Variants in PKHD1 observed in about 807,000 individuals in gnomAD.
The protein encoded by PKHD1 is PKHD1 ciliary IPT domain containing fibrocystin/polyductin.
A neutral mutation model predicts 412.0 loss-of-function variants in PKHD1; 291 were observed. That is an observed-to-expected ratio of 0.71 (90% CI 0.64 to 0.78). The LOEUF (loss-of-function observed/expected upper bound fraction) is 0.78, where lower values mean the gene tolerates loss of function less well. PKHD1 is among the 30% of genes least tolerant of loss of function. The pLI, the probability that PKHD1 is intolerant of heterozygous loss-of-function variation, is 0.00. For missense variants in PKHD1, 4,825 were observed against 4,950.7 expected (o/e 0.97, Z 0.76); for synonymous variants, 1,777 against 1,821.5 (o/e 0.98, Z 0.62).
At chr6:52,078,388 A>C (rs948344653) in intron 5 of PKHD1, among the ~76,000 whole-genome samples, 4 of 152,182 alleles carry the variant, frequency 2.6e-5, no homozygotes, top group Non-Finnish European at 4.4e-5. Flanking sequence ...GAAATGCAGC[A>C]GATTAGGATG....
intron 50 of PKHD1, among the ~76,000 whole-genome samples, chr6:51,842,452 C>A (rs1239532395): frequency 6.6e-6 from 1 of 152,156 alleles, no homozygotes; most frequent in Non-Finnish European, 1.5e-5. Context: ...AGTAAGTTGA[C>A]CCCTGACAGA....
intron 27 of PKHD1, among the ~76,000 whole-genome samples, chr6:52,036,279 T>C (rs909627063): frequency 6.6e-6 from 1 of 152,256 alleles, no homozygotes; most frequent in Non-Finnish European, 1.5e-5. Flanking sequence ...TTCAGTTCAC[T>C]GTGAAAATAT....
intron 45 of PKHD1, 77 bp from the exon 46 acceptor site, chr6:51,883,304 T>C (rs973369127): frequency 1.6e-6 from 2 of 1,288,328 alleles, no homozygotes; most frequent in African/African-American, 2.9e-5. Context: ...TTTAAAATTA[T>C]TGATTAAGTA....
intron 35 of PKHD1, among the ~76,000 whole-genome samples, chr6:51,971,107 GT>G (rs746461382): frequency 2.0e-5 from 3 of 152,160 alleles, no homozygotes; most frequent in Non-Finnish European, 4.4e-5. Context: ...ATGTTTTGTA[GT>G]TTTCCTTGCA....
chr6:52,079,271 ACT>A (rs1811717606), intron 5 of PKHD1, among the ~76,000 whole-genome samples: 1 of 152,010 alleles, frequency 6.6e-6, no homozygotes, highest in East Asian at 1.9e-4. Flanking sequence ...CTTCCTAAAC[ACT>A]CTCTCTCTAC....
rs143607362 is a variant in PKHD1 at position 51,994,658 on chromosome 6, T to C, written c.5751+15651A>G. On this transcript the variant is annotated intron_variant, in intron 35 of 66. Coordinates refer to ENST00000371117, the MANE Select transcript of PKHD1 (RefSeq NM_138694.4). The stretch of plus-strand genomic sequence containing the variant: ...GTGCAGTGGCATAATCATGACTCAC[T>C]GCAGTCTCCATCTCCTAGGCTGAGG... 7.5e-3 allele frequency among the ~76,000 whole-genome samples: 1,147 copies of C among 152,126 alleles called. 14 individuals carry two copies. Among genetic ancestry groups the C allele is most frequent in the African/African-American group, 0.026 (1,063 of 41,500 alleles).
intron 57 of PKHD1, among the ~76,000 whole-genome samples, chr6:51,751,305 C>G (rs1424847885): frequency 6.6e-6 from 1 of 152,140 alleles, no homozygotes; most frequent in Non-Finnish European, 1.5e-5. Flanking sequence ...ACCTGCAGAT[C>G]CCTTCTTATT....
In PKHD1 at chr6:51,619,386, C is replaced by T. The variant is rs2150241066; in HGVS notation, c.11920G>A (p.Gly3974Ser). The change falls in exon 67 of 67, where the codon GGC becomes AGC. Residue 3974 changes from glycine (G) to serine (S), a missense_variant. By Grantham distance (56) the Gly-to-Ser change is moderately conservative (BLOSUM62 0). Transcript: ENST00000371117. Reference sequence around the variant, plus strand: ...CAGATGTGCCCATGGGATGTGATGCCAGTAGTACCAGGAGCAGGCACAGCA... The same window carrying T: ...CAGATGTGCCCATGGGATGTGATGCTAGTAGTACCAGGAGCAGGCACAGCA... ...EAAVPAPGTTGITSHGHICAP... is the reference protein window; with the variant it reads ...EAAVPAPGTTSITSHGHICAP... 1.2e-6 allele frequency: 2 copies of T among 1,613,790 alleles called. No homozygotes were observed. Among genetic ancestry groups the T allele is most frequent in the Non-Finnish European group, 8.5e-7 (1 of 1,179,686 alleles).
intron 36 of PKHD1, among the ~76,000 whole-genome samples, chr6:51,943,860 G>T (rs1263903279): frequency 6.6e-6 from 1 of 151,066 alleles, no homozygotes; most frequent in Non-Finnish European, 1.5e-5. Context: ...CCCTAATCCC[G>T]CTCGAAGCAG....
chr6:52,066,174 T>C lies in PKHD1; in HGVS notation c.779-97A>G, dbSNP rs185223897. The C allele has an allele frequency of 1.1e-3, 703 of 644,988 alleles. 2 individuals carry two copies. Among genetic ancestry groups the C allele is most frequent in the Non-Finnish European group, 1.6e-3 (604 of 367,666 alleles). 40.0% of individuals were successfully genotyped at this position (644,988 alleles called of 1,614,324 possible). On this transcript the variant is annotated intron_variant, in intron 11 of 66. Transcript: ENST00000371117. ...ATAATAGGAGATATTAATAATTTCTTACTTTAACTTTCTAAGTCCAGCAAC... is the reference window on the plus strand; with the variant it reads ...ATAATAGGAGATATTAATAATTTCTCACTTTAACTTTCTAAGTCCAGCAAC...
At chr6:51,813,952 GA>G (rs1019470832) in intron 52 of PKHD1, among the ~76,000 whole-genome samples, 6 of 151,120 alleles carry the variant, frequency 4.0e-5, no homozygotes, top group Non-Finnish European at 7.4e-5. Context: ...CCTTTGGAGG[GA>G]AAAAAAAAGT....
intron 35 of PKHD1, among the ~76,000 whole-genome samples, chr6:51,984,959 C>T: frequency 6.6e-6 from 1 of 151,326 alleles, no homozygotes. Context: ...AAGGAGAAAG[C>T]AAGAAAGTTG....
Position 51,619,271 on chromosome 6 carries a change from G to A in PKHD1, c.12035C>T (p.Ala4012Val). ...GQEQLLRYQL[A>V]GQNQLLLLCP... ...TAGCAGCAGCAGCTGATTTTGGCCT[G>A]CCAGCTGGTATCTGAGCAACTGCTC... The change falls in exon 67 of 67, where the codon GCA becomes GTA. Residue 4012 changes from alanine to valine, a missense_variant. By Grantham distance (64) the Ala-to-Val change is moderately conservative. Coordinates refer to ENST00000371117, the MANE Select transcript of PKHD1 (RefSeq NM_138694.4). 1.2e-6 allele frequency: 2 copies of A among 1,614,242 alleles called. No homozygotes were observed. The highest frequency in any genetic ancestry group is 1.7e-6 in the Non-Finnish European group (2 of 1,180,042).
rs868440105 is a variant in PKHD1, at chr6:52,065,160, T to G, written c.881-110A>C. 0.14 allele frequency: 10,278 copies of G among 71,590 alleles called. 568 individuals are homozygous for G. The highest frequency in any genetic ancestry group is 0.22 in the African/African-American group (3,034 of 14,052). 4.4% of individuals were successfully genotyped at this position (71,590 alleles called of 1,614,324 possible). ...ATATATATATATATATATATATATA[T>G]ATATATATAGAGAGAGAGAGAGAGA... On this transcript the variant is annotated intron_variant, in intron 12 of 66. Transcript: ENST00000371117.
intron 61 of PKHD1, among the ~76,000 whole-genome samples, chr6:51,652,263 G>C (rs1695541733): frequency 6.6e-6 from 1 of 151,988 alleles, no homozygotes; most frequent in African/African-American, 2.4e-5. Context: ...CCAATTAAGA[G>C]ATCACTCCTA....
At chr6:51,708,463 TA>T (rs1184613648) in intron 60 of PKHD1, among the ~76,000 whole-genome samples, 1 of 152,240 alleles carries the variant, frequency 6.6e-6, no homozygotes, top group East Asian at 1.9e-4. Context: ...CTAATCATGA[TA>T]TTTCCTCATT....
rs1433337444 is a variant in PKHD1 at position 51,632,684 on chromosome 6, A to G, written c.11546T>C (p.Leu3849Ser). Reference protein sequence around the residue: ...FTARSKPFAVLPVTRKEKSTI... With the variant: ...FTARSKPFAVSPVTRKEKSTI... ...CGACTTCTCCTTCCTAGTCACAGGCAAGACAGCAAATGGCTTGGATCGAGC... is the reference window on the plus strand; with the variant it reads ...CGACTTCTCCTTCCTAGTCACAGGCGAGACAGCAAATGGCTTGGATCGAGC... The change falls in exon 65 of 67, where the codon TTG becomes TCG. Residue 3849 changes from leucine (L) to serine (S), a missense_variant. Leu to Ser is a moderately radical substitution (Grantham distance 145, BLOSUM62 -2). Coordinates refer to ENST00000371117, the MANE Select transcript of PKHD1 (RefSeq NM_138694.4). The G allele has an allele frequency of 3.7e-6, 6 of 1,613,670 alleles. No homozygotes were observed. Among genetic ancestry groups the G allele is most frequent in the Non-Finnish European group, 5.1e-6 (6 of 1,179,682 alleles).
At chr6:51,895,103 A>G (rs1265807871) in intron 43 of PKHD1, among the ~76,000 whole-genome samples, 1 of 152,208 alleles carries the variant, frequency 6.6e-6, no homozygotes, top group Non-Finnish European at 1.5e-5. Flanking sequence ...GAATAAAGGT[A>G]TATTTCTAAA....
intron 60 of PKHD1, among the ~76,000 whole-genome samples, chr6:51,735,644 G>A (rs987983491): frequency 2.0e-5 from 3 of 152,122 alleles, no homozygotes; most frequent in Non-Finnish European, 4.4e-5. Context: ...CACAGTTCGG[G>A]GCTGGGCATG....
Sources: allele counts gnomAD v4.1 joint callset (sites outside exome capture counted in the v4.1 genomes callset), GRCh38; gene constraint gnomAD v4.1.1; transcripts MANE v1.5; gene names NCBI Gene and HGNC (gene_info 2026-07-23, HGNC 2026-07-21).